The following KIAA1217 variants were observed in gnomAD, a reference collection of about 807,000 sequenced individuals.
KIAA1217 encodes sickle tail protein homolog.
KIAA1217 carries 88 observed loss-of-function variants against 163.9 expected under a neutral mutation model. The ratio of observed to expected loss-of-function variants is 0.54; its 90% CI spans 0.45 to 0.64. KIAA1217 has a LOEUF of 0.64. KIAA1217 is among the 30% of genes least tolerant of loss of function. The pLI is 0.00. For synonymous variants in KIAA1217, 903 were observed against 923.1 expected, an observed-to-expected ratio of 0.98 and a Z score of 0.39; for missense variants, 2,372 against 2,475.0, an observed-to-expected ratio of 0.96 and a Z score of 0.88.
Position 23,964,941 on chromosome 10 carries a change from C to T in KIAA1217, c.-320-42284C>T, listed in dbSNP as rs1006694557. Among the ~76,000 whole-genome samples the T allele has an allele frequency of 3.9e-5, 6 of 152,090 alleles. No homozygotes were observed. The South Asian group carries it at 6.2e-4, about 16-fold the overall frequency. Reference sequence around the variant, plus strand: ...TGAATTCTAAGAGACAGAAAGAATACGAACTTTATCTTGAAGCTGGTTATA... The same window carrying T: ...TGAATTCTAAGAGACAGAAAGAATATGAACTTTATCTTGAAGCTGGTTATA... On this transcript the variant is annotated intron_variant, in intron 1 of 18. Coordinates refer to the KIAA1217 transcript ENST00000376462.
At chr10:24,085,541 C>CCCAT (rs1457420649) in intron 2 of KIAA1217, among the ~76,000 whole-genome samples, 1 of 152,088 alleles carries the variant, frequency 6.6e-6, no homozygotes, top group East Asian at 1.9e-4. Context: ...ATTGTGGGTA[C>CCCAT]TGTGTCTGCC....
chr10:23,706,386 A>G (rs1836887709), intron 1 of KIAA1217, among the ~76,000 whole-genome samples: 1 of 152,304 alleles, frequency 6.6e-6, no homozygotes, highest in African/African-American at 2.4e-5. Flanking sequence ...TTCACCATTA[A>G]GTATAATGCT....
chr10:24,221,196 T>A lies in KIAA1217; in HGVS notation c.354+1287T>A, dbSNP rs977751652. On this transcript the variant is annotated intron_variant, in intron 2 of 20. Coordinates refer to ENST00000376454, the MANE Select transcript of KIAA1217 (RefSeq NM_019590.5). ...TACCCAACTGTGGCTAGGGATGTTTTTGTTTCTTGGCTGTGTGCAATTACT... is the reference window on the plus strand; with the variant it reads ...TACCCAACTGTGGCTAGGGATGTTTATGTTTCTTGGCTGTGTGCAATTACT... Among the ~76,000 whole-genome samples, 4 of 152,306 alleles carry A rather than the reference T, an allele frequency of 2.6e-5. No individual in the cohort carries two copies. In the South Asian group the frequency reaches 6.2e-4, roughly 24 times the overall value.
intron 2 of KIAA1217, among the ~76,000 whole-genome samples, chr10:24,085,379 C>T (rs1387454986): frequency 6.6e-6 from 1 of 152,132 alleles, no homozygotes; most frequent in Non-Finnish European, 1.5e-5. Context: ...TTAAGGATGA[C>T]CTGACCAGAG....
chr10:24,414,261 T>C (rs1317641122), intron 3 of KIAA1217, among the ~76,000 whole-genome samples: 1 of 152,228 alleles, frequency 6.6e-6, no homozygotes, highest in Non-Finnish European at 1.5e-5. Flanking sequence ...CACAGACTAT[T>C]ATCCTCCCTT....
At chr10:24,393,678 C>G (rs2055306364) in intron 3 of KIAA1217, among the ~76,000 whole-genome samples, 1 of 151,606 alleles carries the variant, frequency 6.6e-6, no homozygotes, top group African/African-American at 2.4e-5. Context: ...AGGTCTTAAT[C>G]CGATATGACT....
chr10:23,804,073 G>A (rs1327302188), intron 1 of KIAA1217, among the ~76,000 whole-genome samples: 1 of 152,102 alleles, frequency 6.6e-6, no homozygotes, highest in Non-Finnish European at 1.5e-5. Context: ...AGGCGTATGG[G>A]CAAAACATAG....
chr10:24,446,060 A>AATGAT (rs1564694199), intron 5 of KIAA1217, among the ~76,000 whole-genome samples: 1 of 152,126 alleles, frequency 6.6e-6, no homozygotes, highest in African/African-American at 2.4e-5. Flanking sequence ...CTGACTTTTT[A>AATGAT]ATGATCGCCA....
intron 5 of KIAA1217, among the ~76,000 whole-genome samples, chr10:24,457,341 G>GTT (rs1313103434): frequency 7.7e-6 from 1 of 130,168 alleles, no homozygotes; most frequent in Non-Finnish European, 1.7e-5. Context: ...TTTGTTTTTT[G>GTT]TTTTGTGTGT....
At chr10:23,869,141 T>G (rs1057052329) in intron 1 of KIAA1217, among the ~76,000 whole-genome samples, 23 of 144,436 alleles carry the variant, frequency 1.6e-4, no homozygotes, top group African/African-American at 5.9e-4. Context: ...TTTTTTTTTT[T>G]TTTTTTTTTT....
chr10:24,274,173 G>A (rs947917533), intron 2 of KIAA1217, among the ~76,000 whole-genome samples: 5 of 152,174 alleles, frequency 3.3e-5, no homozygotes, highest in Non-Finnish European at 5.9e-5. Flanking sequence ...TAATTATGGA[G>A]AATAATGTAT....
chr10:23,843,741 C>G (rs1318069917), intron 1 of KIAA1217, among the ~76,000 whole-genome samples: 1 of 152,144 alleles, frequency 6.6e-6, no homozygotes, highest in African/African-American at 2.4e-5. Flanking sequence ...GACCTGTTCC[C>G]TTGGCGAAAA....
At chr10:24,402,353 C>T (rs1591632924) in intron 3 of KIAA1217, among the ~76,000 whole-genome samples, 1 of 151,626 alleles carries the variant, frequency 6.6e-6, no homozygotes, top group South Asian at 2.1e-4. Context: ...AAAAAATACA[C>T]AAAAAATTAG....
intron 1 of KIAA1217, among the ~76,000 whole-genome samples, chr10:23,806,230 G>C (rs530893452): frequency 6.6e-6 from 1 of 152,100 alleles, no homozygotes; most frequent in East Asian, 1.9e-4. Flanking sequence ...AGAATGTTCC[G>C]CCGTTGCTGA....
chr10:23,861,679 G>A (rs1321469675), intron 1 of KIAA1217, among the ~76,000 whole-genome samples: 1 of 152,190 alleles, frequency 6.6e-6, no homozygotes, highest in Non-Finnish European at 1.5e-5. Flanking sequence ...GAGGCCAATA[G>A]GACGAGGATG....
intron 2 of KIAA1217, among the ~76,000 whole-genome samples, chr10:24,187,457 A>G (rs1314001986): frequency 6.6e-6 from 1 of 152,200 alleles, no homozygotes; most frequent in Non-Finnish European, 1.5e-5. Context: ...CTGCACTTTT[A>G]ATTCATTTCC....
chr10:23,781,780 C>G (rs954005730), intron 1 of KIAA1217, among the ~76,000 whole-genome samples: 1 of 152,056 alleles, frequency 6.6e-6, no homozygotes, highest in Non-Finnish European at 1.5e-5. Context: ...GTCATTCTTT[C>G]GTATATAGAT....
At chr10:23,804,419 G>A (rs1415274863) in intron 1 of KIAA1217, among the ~76,000 whole-genome samples, 1 of 152,156 alleles carries the variant, frequency 6.6e-6, no homozygotes, top group Admixed American at 6.5e-5. Context: ...CTCTGTATGA[G>A]TACGGTCTAG....
intron 2 of KIAA1217, among the ~76,000 whole-genome samples, chr10:24,322,096 A>G (rs1423670684): frequency 1.3e-5 from 2 of 152,000 alleles, no homozygotes; most frequent in Non-Finnish European, 2.9e-5. Flanking sequence ...TCACAGGTGC[A>G]TGCTATCACA....
Sources: allele counts gnomAD v4.1 joint callset (sites outside exome capture counted in the v4.1 genomes callset), GRCh38; gene constraint gnomAD v4.1.1; transcripts MANE v1.5; gene names NCBI Gene and HGNC (gene_info 2026-07-23, HGNC 2026-07-21).